Variants in DSG2 observed in about 807,000 individuals in gnomAD.
DSG2 encodes desmoglein 2.
A neutral mutation model predicts 75.6 loss-of-function variants in DSG2; 45 were observed. The ratio of observed to expected loss-of-function variants is 0.60; its 90% CI spans 0.47 to 0.76. The LOEUF (loss-of-function observed/expected upper bound fraction) is 0.76, where lower values mean the gene tolerates loss of function less well. Among genes scored for constraint, DSG2 ranks in the 30% least tolerant of loss-of-function variants. DSG2 has a pLI of 0.00. For synonymous variants in DSG2, 429 were observed against 483.9 expected, an observed-to-expected ratio of 0.89 and a Z score of 1.49; for missense variants, 1,267 against 1,357.4, an observed-to-expected ratio of 0.93 and a Z score of 1.05.
At chr18:31,499,125 TAGGGGTTTACTAA>T (rs1271653564) in intron 1 of DSG2, among the ~76,000 whole-genome samples, 2 of 152,100 alleles carry the variant, frequency 1.3e-5, no homozygotes, top group Non-Finnish European at 2.9e-5. Flanking sequence ...ATCTCGCTTA[TAGGGGTTTACTAA>T]AGGGGTTTTA....
intron 1 of DSG2, among the ~76,000 whole-genome samples, chr18:31,502,771 G>GGGAAGAAAGGAAGGGAGGGAGGGAGGAA (rs2073020356): frequency 6.6e-6 from 1 of 150,750 alleles, no homozygotes; most frequent in Non-Finnish European, 1.5e-5. Flanking sequence ...GAAGGAAGGA[G>GGGAAGAAAGGAAGGGAGGGAGGGAGGAA]GGAAGAAAGG....
intron 5 of DSG2, among the ~76,000 whole-genome samples, chr18:31,521,860 C>T (rs1207437392): frequency 6.6e-6 from 1 of 152,126 alleles, no homozygotes; most frequent in Admixed American, 6.5e-5. Context: ...AGCAATTTTT[C>T]AGGACTCTAC....
chr18:31,510,590 G>GA lies in DSG2; in HGVS notation c.46-7636dup, dbSNP rs755679385. ...TTGGTATTCCCTCATGCCTCTGCAG[G>GA]AAAAAAAAAAAAATCTTTTGCCAGA... is the stretch of plus-strand genomic sequence containing the variant. On this transcript the variant is annotated intron_variant, in intron 1 of 14. Transcript: ENST00000261590. 5.1e-3 allele frequency among the ~76,000 whole-genome samples: 736 copies of GA among 143,242 alleles called. 6 individuals are homozygous for GA. Among genetic ancestry groups the GA allele is most frequent in the African/African-American group, 0.014 (549 of 39,202 alleles). The allele number at this position is 143,242 out of a possible 152,430, so 94.0% of individuals were successfully genotyped here.
intron 1 of DSG2, among the ~76,000 whole-genome samples, chr18:31,502,748 C>G (rs2073020201): frequency 2.1e-5 from 3 of 140,166 alleles, no homozygotes. Flanking sequence ...GAGACTCTGT[C>G]AAAAAAAAGA....
At chr18:31,501,166 T>C (rs2073011656) in intron 1 of DSG2, among the ~76,000 whole-genome samples, 1 of 152,200 alleles carries the variant, frequency 6.6e-6, no homozygotes, top group South Asian at 2.1e-4. Context: ...TCAATATAAT[T>C]GGGTTCATTG....
chr18:31,504,536 T>C (rs1413037708), intron 1 of DSG2, among the ~76,000 whole-genome samples: 1 of 150,934 alleles, frequency 6.6e-6, no homozygotes, highest in Non-Finnish European at 1.5e-5. Flanking sequence ...CACCCCTTTT[T>C]ATCTGGCCTA....
chr18:31,505,949 G>A (rs2073037299), intron 1 of DSG2, among the ~76,000 whole-genome samples: 1 of 152,124 alleles, frequency 6.6e-6, no homozygotes, highest in African/African-American at 2.4e-5. Context: ...CACCGCACCT[G>A]GCCGAGTAGT....
intron 1 of DSG2, among the ~76,000 whole-genome samples, chr18:31,516,273 T>C (rs1215108155): frequency 6.6e-6 from 1 of 152,072 alleles, no homozygotes; most frequent in African/African-American, 2.4e-5. Context: ...AAGATAAATG[T>C]GGGAGAACAA....
intron 12 of DSG2, among the ~76,000 whole-genome samples, chr18:31,540,794 AT>A (rs1335357781): frequency 3.3e-5 from 5 of 152,118 alleles, no homozygotes; most frequent in Non-Finnish European, 5.9e-5. Context: ...TCACTTTATT[AT>A]TTCTAATTAC....
intron 1 of DSG2, among the ~76,000 whole-genome samples, chr18:31,505,023 A>G (rs1398279834): frequency 6.6e-6 from 1 of 152,060 alleles, no homozygotes. Flanking sequence ...CCTGCCTTTT[A>G]TCTTGCACAG....
rs535125720 is a variant in DSG2 at position 31,537,152 on chromosome 18, T to G, written c.1651+723T>G. On this transcript the variant is annotated intron_variant, in intron 11 of 14. Coordinates refer to ENST00000261590, the MANE Select transcript of DSG2 (RefSeq NM_001943.5). ...TAAAATTTCAAAGACAATAGTCAGT[T>G]TTTTTTTTAATTTACAGCTTTATTG... Among the ~76,000 whole-genome samples, 318 of 92,544 alleles carry G rather than the reference T, an allele frequency of 3.4e-3. 7 individuals carry two copies. Among genetic ancestry groups the G allele is most frequent in the South Asian group, 2.4e-3 (7 of 2,918 alleles). 60.7% of individuals were successfully genotyped at this position (92,544 alleles called of 152,430 possible).
intron 6 of DSG2, among the ~76,000 whole-genome samples, chr18:31,523,943 C>T (rs2073144696): frequency 6.6e-6 from 1 of 152,174 alleles, no homozygotes; most frequent in South Asian, 2.1e-4. Flanking sequence ...TGAACAGAAC[C>T]ATAGTAAGGG....
chr18:31,523,021 C>G (rs1308888160), intron 6 of DSG2, among the ~76,000 whole-genome samples: 1 of 152,068 alleles, frequency 6.6e-6, no homozygotes, highest in Non-Finnish European at 1.5e-5. Flanking sequence ...TAACAGCGTA[C>G]AAGAGTAAAA....
chr18:31,545,866 A>T lies in DSG2; in HGVS notation c.2480A>T (p.Asp827Val). ...GGAGAGCTAGATGACCGCTTCTTAG[A>T]TGATTTGGGACTTAAATTCAAGACA... ...IEGELDDRFLDDLGLKFKTLA... is the reference protein window; with the variant it reads ...IEGELDDRFLVDLGLKFKTLA... Residue 827 changes from aspartate (D) to valine (V), a missense_variant, in exon 15 of 15, where the codon GAT becomes GTT. Transcript: ENST00000261590. 3 of 1,614,138 alleles carry T rather than the reference A, an allele frequency of 1.9e-6. No homozygotes were observed. Among genetic ancestry groups the T allele is most frequent in the Non-Finnish European group, 2.5e-6 (3 of 1,180,016 alleles).
At position 31,535,375 on chromosome 18, in the gene DSG2, T is replaced by G. The variant is rs745484404; in HGVS notation, c.1386T>G (p.Asn462Lys). 1 of 1,612,492 alleles carries G rather than the reference T, an allele frequency of 6.2e-7. No individual in the cohort carries two copies. The highest frequency in any genetic ancestry group is 1.7e-5 in the Admixed American group (1 of 59,988). ...ATTTTGAATCTAGATATGTTCAAAA[T>G]GGCACATACACTGTAAAGATTGTGG... ...LPDFESRYVQ[N>K]GTYTVKIVAI... Residue 462 changes from asparagine (N) to lysine (K), a missense_variant, in exon 10 of 15, where the codon AAT (asparagine) becomes AAG (lysine). Coordinates refer to ENST00000261590, the MANE Select transcript of DSG2 (RefSeq NM_001943.5).
At chr18:31,537,174 ATTGTG>A (rs2073236105) in intron 11 of DSG2, among the ~76,000 whole-genome samples, 1 of 152,170 alleles carries the variant, frequency 6.6e-6, no homozygotes, top group Non-Finnish European at 1.5e-5. Context: ...TTACAGCTTT[ATTGTG>A]TTAAGTCTAG....
At chr18:31,518,606 G>T (rs1308330597) in intron 2 of DSG2, among the ~76,000 whole-genome samples, 3 of 152,082 alleles carry the variant, frequency 2.0e-5, no homozygotes, top group Non-Finnish European at 4.4e-5. Flanking sequence ...GTGTATATAT[G>T]TGCAACTGTA....
rs1487047301 is a variant in DSG2, at chr18:31,519,848, C to T, written c.127C>T (p.His43Tyr). 5.0e-6 allele frequency: 8 copies of T among 1,614,078 alleles called. No individual in the cohort carries two copies. The highest frequency in any genetic ancestry group is 2.2e-5 in the East Asian group (1 of 44,892). ...AAATAAGCTGCTTCCTAAACATCCT[C>T]ATTTAGTGCGGCAAAAGCGCGCCTG... ...NENKLLPKHP[H>Y]LVRQKRAWIT... is the part of the protein sequence containing the mutation. The change falls in exon 3 of 15, where the codon CAT becomes TAT. Residue 43 changes from histidine to tyrosine, a missense_variant. Physicochemically the swap from His to Tyr is moderately conservative, Grantham distance 83. Transcript: ENST00000261590.
intron 6 of DSG2, among the ~76,000 whole-genome samples, chr18:31,522,764 G>A (rs1453289451): frequency 6.6e-6 from 1 of 152,122 alleles, no homozygotes; most frequent in Non-Finnish European, 1.5e-5. Context: ...ACATTAGGAG[G>A]CTCCTCCACG....
Sources: allele counts gnomAD v4.1 joint callset (sites outside exome capture counted in the v4.1 genomes callset), GRCh38; gene constraint gnomAD v4.1.1; transcripts MANE v1.5; gene names NCBI Gene and HGNC (gene_info 2026-07-23, HGNC 2026-07-21).